Variants in CAPN12 observed in about 807,000 individuals in gnomAD.
The protein encoded by CAPN12 is calpain 12.
In CAPN12, 107 loss-of-function variants were observed where a neutral mutation model predicts 95.0. The ratio of observed to expected loss-of-function variants is 1.13; its 90% CI spans 0.96 to 1.32. The LOEUF is 1.32. Among genes scored for constraint, CAPN12 ranks in the 40% most tolerant of loss-of-function variants. The pLI, the probability that CAPN12 is intolerant of heterozygous loss-of-function variation, is 0.00. For synonymous variants in CAPN12, 505 were observed against 415.5 expected (o/e 1.22, Z -2.62); for missense variants, 1,136 against 997.8 (o/e 1.14, Z -1.87).
intron 8 of CAPN12, 46 bp from the exon 9 acceptor site, chr19:38,737,684 G>C: frequency 6.7e-7 from 1 of 1,485,914 alleles, no homozygotes; most frequent in Non-Finnish European, 9.0e-7. Flanking sequence ...ACCTCGAGGG[G>C]GTCCCAAGAT....
At chr19:38,742,599 T>C in intron 2 of CAPN12, 71 bp from the exon 3 acceptor site, 1 of 1,082,654 alleles carries the variant, frequency 9.2e-7, no homozygotes, top group Non-Finnish European at 1.3e-6. Context: ...ATGCCTCTAA[T>C]CCCAGCACTT....
chr19:38,730,693 C>T lies in CAPN12; in HGVS notation c.*159G>A, dbSNP rs1052883212. The stretch of plus-strand genomic sequence containing the variant: ...TTCTTGTTTCTGAGTGAGGAGTACG[C>T]AGGCCAGAGTGGTCACCCGGCCGTG... On this transcript the variant is annotated 3_prime_UTR_variant, in exon 21 of 21. Transcript: ENST00000328867. 8 of 800,044 alleles carry T rather than the reference C, an allele frequency of 1.0e-5. No individual in the cohort carries two copies. The highest frequency in any genetic ancestry group is 2.3e-5 in the Admixed American group (1 of 44,262). 49.6% of individuals were successfully genotyped at this position (800,044 alleles called of 1,614,324 possible).
In CAPN12 at chr19:38,740,277, T is replaced by C. The variant is rs564333268; in HGVS notation, c.561-58A>G. ...CAAGTACAAGCGTCTCAGGCACCCC[T>C]GCCCTGGGATCTGCAGGGGCCTGTG... On this transcript the variant is annotated intron_variant, in intron 4 of 20. Transcript: ENST00000328867. The C allele has an allele frequency of 1.0e-4, 153 of 1,475,140 alleles. 2 individuals carry two copies. The African/African-American group carries it at 1.9e-3, about 19-fold the overall frequency. 91.4% of individuals were successfully genotyped at this position (1,475,140 alleles called of 1,614,324 possible).
chr19:38,735,492 C>G lies in CAPN12; in HGVS notation c.1626+10G>C. 1 of 1,611,310 alleles carries G rather than the reference C, an allele frequency of 6.2e-7. No individual in the cohort carries two copies. The highest frequency in any genetic ancestry group is 8.5e-7 in the Non-Finnish European group (1 of 1,179,466). Reference sequence around the variant, plus strand: ...CCGCCCCATGCCGCCCCTCCAGGAACAGTCCCCACCTGGAGAGACTGCAGG... The same window carrying G: ...CCGCCCCATGCCGCCCCTCCAGGAAGAGTCCCCACCTGGAGAGACTGCAGG... On this transcript the variant is annotated intron_variant, in intron 13 of 20. Transcript: ENST00000328867.
chr19:38,736,388 G>A (rs1051320503), intron 11 of CAPN12, 70 bp from the exon 12 acceptor site: 10 of 1,478,172 alleles, frequency 6.8e-6, no homozygotes, highest in South Asian at 3.9e-5. Flanking sequence ...CCTCCAGCGC[G>A]CCCCGTCCAC....
chr19:38,732,489 G>A (rs1018514721), intron 18 of CAPN12, among the ~76,000 whole-genome samples: 9 of 152,106 alleles, frequency 5.9e-5, no homozygotes, highest in Admixed American at 2.0e-4. Context: ...GCACCACCAC[G>A]CCTGGCTAAT....
chr19:38,731,138 C>T lies in CAPN12; in HGVS notation c.2043G>A (p.Val681=), dbSNP rs1385985704. The T allele has an allele frequency of 1.2e-6, 2 of 1,612,754 alleles. No homozygotes were observed. Among genetic ancestry groups the T allele is most frequent in the East Asian group, 2.2e-5 (1 of 44,882 alleles). ...TGCAGGTGAGGTGGGCCACACAGGACACGAACCGCTCGAAGTCCACACGCA... is the reference window on the plus strand; with the variant it reads ...TGCAGGTGAGGTGGGCCACACAGGATACGAACCGCTCGAAGTCCACACGCA... ...SRLRVDFERF[V]SCVAHLTCIF... is the part of the protein sequence containing the mutation. The change falls in exon 19 of 21, where the codon GTG becomes GTA. Residue 681 remains valine, a synonymous_variant. Transcript: ENST00000328867.
chr19:38,733,894 G>A, intron 17 of CAPN12, 113 bp from the exon 18 acceptor site: 2 of 939,058 alleles, frequency 2.1e-6, no homozygotes. Flanking sequence ...CTTCTGGTGT[G>A]GACCCCCAGC....
At chr19:38,742,918 A>AAG in intron 2 of CAPN12, 115 bp downstream of exon 2, 3 of 800,124 alleles carry the variant, frequency 3.7e-6, no homozygotes, top group Non-Finnish European at 6.2e-6. Context: ...CTAGGGAGAG[A>AAG]AGAGACTGAG....
At chr19:38,743,880 A>G (rs1970734602) in intron 1 of CAPN12, 49 bp downstream of exon 1, 1 of 1,572,888 alleles carries the variant, frequency 6.4e-7, no homozygotes, top group South Asian at 1.1e-5. Context: ...CCATGCCTCC[A>G]GCCCCTCCTC....
chr19:38,734,948 C>T, intron 14 of CAPN12, 78 bp from the exon 15 acceptor site: 1 of 1,369,904 alleles, frequency 7.3e-7, no homozygotes, highest in Middle Eastern at 1.8e-4. Flanking sequence ...AGGGACACGG[C>T]AGGGGCTGAC....
chr19:38,742,049 G>T, intron 3 of CAPN12, 139 bp from the exon 4 acceptor site: 1 of 1,293,922 alleles, frequency 7.7e-7, no homozygotes. Flanking sequence ...TGGCTGGCCG[G>T]GTGCGGTGGC....
chr19:38,736,355 C>A, intron 11 of CAPN12, 37 bp from the exon 12 acceptor site: 1 of 1,464,946 alleles, frequency 6.8e-7, no homozygotes. Context: ...ACCAGGCTCA[C>A]CCCCGGCCCT....
chr19:38,743,731 G>GTC (rs113660390), intron 1 of CAPN12, among the ~76,000 whole-genome samples, 198 bp downstream of exon 1: 19 of 88,000 alleles, frequency 2.2e-4, no homozygotes, highest in East Asian at 7.6e-4. Flanking sequence ...AAGAGTCCAG[G>GTC]CCCAGCCCTT....
At chr19:38,735,344 C>A in intron 14 of CAPN12, 26 bp downstream of exon 14, 6 of 1,526,130 alleles carry the variant, frequency 3.9e-6, no homozygotes, top group Non-Finnish European at 5.3e-6. Flanking sequence ...AGCGGGATAC[C>A]CCCTCAGTCC....
intron 5 of CAPN12, 112 bp from the exon 6 acceptor site, chr19:38,738,760 A>C: frequency 1.2e-6 from 1 of 858,700 alleles, no homozygotes; most frequent in Non-Finnish European, 1.9e-6. Context: ...CACTGAACTG[A>C]ATGGCACGCA....
chr19:38,731,213 C>G lies in CAPN12; in HGVS notation c.1968G>C (p.Leu656=). The change falls in exon 19 of 21, where the codon CTG becomes CTC. Residue 656 remains leucine, a synonymous_variant. Coordinates refer to ENST00000328867, the MANE Select transcript of CAPN12 (RefSeq NM_144691.4). ...TGAGGGTCTGGGTCAGCTGGTTGTT[C>G]AGGTGGAAGCCTAGGGGGAGGCTGC... ...RLALNAAGFH[L]NNQLTQTLTS... The G allele has an allele frequency of 2.5e-6, 4 of 1,612,588 alleles. No homozygotes were observed. The highest frequency in any genetic ancestry group is 3.4e-6 in the Non-Finnish European group (4 of 1,179,968).
intron 10 of CAPN12, chr19:38,736,817 C>CTCTGTCCCTAACCTCGTCCCTCTG: frequency 1.7e-6 from 1 of 586,840 alleles, no homozygotes; most frequent in Non-Finnish European, 3.0e-6. Context: ...CCCAGCCTCT[C>CTCTGTCCCTAACCTCGTCCCTCTG]TCTGTCCCTA....
rs1599927374 is a variant in CAPN12 at position 38,740,054 on chromosome 19, G to A, written c.726C>T (p.Ala242=). 17 of 1,584,764 alleles carry A rather than the reference G, an allele frequency of 1.1e-5. No homozygotes were observed. In the East Asian group the frequency reaches 3.8e-4, roughly 36 times the overall value. Residue 242 remains alanine (A), a synonymous_variant, in exon 5 of 21, where the codon GCC becomes GCT. Transcript: ENST00000328867. Reference sequence around the variant, plus strand: ...CATGCGAGTCCAGGTCTCTTACCAGGGCAGTGGCGCCCACGAGGGACTCCT... The same window carrying A: ...CATGCGAGTCCAGGTCTCTTACCAGAGCAGTGGCGCCCACGAGGGACTCCT... ...LAKESLVGAT[A]LSDRGEYRTE...
Sources: allele counts gnomAD v4.1 joint callset (sites outside exome capture counted in the v4.1 genomes callset), GRCh38; gene constraint gnomAD v4.1.1; transcripts MANE v1.5; gene names NCBI Gene and HGNC (gene_info 2026-07-23, HGNC 2026-07-21).